The following C15orf39 variants were observed in gnomAD, a reference collection of about 807,000 sequenced individuals.
C15orf39 encodes the protein uncharacterized protein C15orf39.
C15orf39 carries 24 observed loss-of-function variants against 53.9 expected under a neutral mutation model. The ratio of observed to expected loss-of-function variants is 0.45; its 90% confidence interval spans 0.32 to 0.63. The LOEUF (loss-of-function observed/expected upper bound fraction) is 0.63, where lower values mean the gene tolerates loss of function less well. Among genes scored for constraint, C15orf39 ranks in the 20% least tolerant of loss-of-function variants. C15orf39 has a pLI of 0.04. For missense variants in C15orf39, 1,271 were observed against 1,347.9 expected (o/e 0.94, Z 0.89); for synonymous variants, 569 against 576.5 (o/e 0.99, Z 0.19).
rs775826045 is a variant in C15orf39, at chr15:75,208,101, A to C, written c.2053A>C (p.Thr685Pro). 6.2e-7 allele frequency: 1 copy of C among 1,613,688 alleles called. No individual in the cohort carries two copies. The highest frequency in any genetic ancestry group is 8.5e-7 in the Non-Finnish European group (1 of 1,179,952). ...TCCCACACAGCCTGCACCCACCCCC[A>C]CATCTGGGCCCATTGGACTGCGGAT... ...PAPTQPAPTP[T>P]SGPIGLRILA... Residue 685 changes from threonine (T) to proline (P), a missense_variant, in exon 2 of 3, where the codon ACA becomes CCA. Around this residue, in one of 2 missense-constraint regions of C15orf39, gnomAD observed 994 missense variants for 993.7 expected, o/e 1.00. Coordinates refer to ENST00000394987, the MANE Select transcript of C15orf39 (RefSeq NM_015492.5).
chr15:75,209,830 A>G (rs2141602778), intron 2 of C15orf39, among the ~76,000 whole-genome samples: 1 of 152,008 alleles, frequency 6.6e-6, no homozygotes, highest in African/African-American at 2.4e-5. Context: ...CCTGGTTGGG[A>G]TGGGGAAGGG....
At position 75,207,058 on chromosome 15, in the gene C15orf39, C is replaced by G. The variant is rs529239972; in HGVS notation, c.1010C>G (p.Pro337Arg). The G allele has an allele frequency of 1.2e-6, 2 of 1,610,274 alleles. No homozygotes were observed. Among genetic ancestry groups the G allele is most frequent in the Admixed American group, 3.3e-5 (2 of 59,848 alleles). The change falls in exon 2 of 3, where the codon CCA becomes CGA. Residue 337 changes from proline to arginine, a missense_variant. Coordinates refer to ENST00000394987, the MANE Select transcript of C15orf39 (RefSeq NM_015492.5). ...QQAAQAPYIP[P>R]LGLDAYPYPS... ...GCAGCCCAGGCACCTTACATTCCCC[C>G]ACTGGGGCTGGACGCTTACCCCTAC...
At chr15:75,205,950 C>A (rs958806766) in intron 1 of C15orf39, 49 bp from the exon 2 acceptor site, 1 of 1,269,204 alleles carries the variant, frequency 7.9e-7, no homozygotes, top group South Asian at 1.5e-5. Context: ...TGTTGCTTTG[C>A]CTGTAGCCTG....
In C15orf39 at chr15:75,208,090, C is replaced by CA; in HGVS notation, c.2043dup (p.Pro682ThrfsTer95). ...TCAGCTCCTGCTCCCACACAGCCTG[C>CA]ACCCACCCCCACATCTGGGCCCATT... On this transcript the variant is annotated frameshift_variant, in exon 2 of 3. Transcript: ENST00000394987. LOFTEE classifies it high-confidence loss of function. The CA allele has an allele frequency of 6.2e-7, 1 of 1,614,126 alleles. No homozygotes were observed. Among genetic ancestry groups the CA allele is most frequent in the Non-Finnish European group, 8.5e-7 (1 of 1,180,034 alleles).
At position 75,210,775 on chromosome 15, in the gene C15orf39, G is replaced by A. The variant is rs764726456; in HGVS notation, c.2803G>A (p.Val935Met). The change falls in exon 3 of 3, where the codon GTG becomes ATG. Residue 935 changes from valine to methionine, a missense_variant. Val to Met is a conservative substitution (Grantham distance 21). Coordinates refer to ENST00000394987, the MANE Select transcript of C15orf39 (RefSeq NM_015492.5). ...TGACTTTGACACTGAGGCTGGAGCT[G>A]TGTCCTCCTCAGAGCCCACTGTGGC... ...LGDFDTEAGA[V>M]SSSEPTVARG... 8.7e-6 allele frequency: 14 copies of A among 1,610,430 alleles called. No individual in the cohort carries two copies. The East Asian group carries it at 1.8e-4, about 21-fold the overall frequency.
rs756323387 is a variant in C15orf39 at position 75,207,712 on chromosome 15, A to G, written c.1664A>G (p.Gln555Arg). The G allele has an allele frequency of 1.3e-5, 21 of 1,602,540 alleles. No homozygotes were observed. In the African/African-American group the frequency reaches 2.8e-4, roughly 21 times the overall value. Reference protein sequence around the residue: ...DKGCRGTLPAQEGPSGSKPLR... With the variant: ...DKGCRGTLPAREGPSGSKPLR... ...GGCTGCAGGGGGACCCTGCCTGCCCAGGAGGGCCCCTCAGGGAGTAAACCC... is the reference window on the plus strand; with the variant it reads ...GGCTGCAGGGGGACCCTGCCTGCCCGGGAGGGCCCCTCAGGGAGTAAACCC... The change falls in exon 2 of 3, where the codon CAG (glutamine) becomes CGG (arginine). Residue 555 changes from glutamine to arginine, a missense_variant. By Grantham distance (43) the Gln-to-Arg change is conservative. Transcript: ENST00000394987.
At position 75,207,486 on chromosome 15, in the gene C15orf39, G is replaced by T; in HGVS notation, c.1438G>T (p.Ala480Ser). ...TACCCCCCCAGCACTGCCCCCCTGT[G>T]CCCGGGAGTGCCAGTCTCTTCCACA... ...PCTPPALPPCARECQSLPQKE... is the reference protein window; with the variant it reads ...PCTPPALPPCSRECQSLPQKE... Residue 480 changes from alanine to serine, a missense_variant, in exon 2 of 3, where the codon GCC becomes TCC. Ala to Ser is a moderately conservative substitution (Grantham distance 99). Around this residue, in one of 2 missense-constraint regions of C15orf39, gnomAD observed 994 missense variants for 993.7 expected, o/e 1.00. Transcript: ENST00000394987. 2 of 1,613,418 alleles carry T rather than the reference G, an allele frequency of 1.2e-6. No homozygotes were observed. Among genetic ancestry groups the T allele is most frequent in the Non-Finnish European group, 8.5e-7 (1 of 1,179,950 alleles).
chr15:75,206,933 G>A lies in C15orf39; in HGVS notation c.885G>A (p.Gln295=), dbSNP rs1196729057. 2.7e-6 allele frequency: 4 copies of A among 1,497,826 alleles called. No homozygotes were observed. Among genetic ancestry groups the A allele is most frequent in the Admixed American group, 2.1e-5 (1 of 48,710 alleles). The allele number at this position is 1,497,826 out of a possible 1,614,324, so 92.8% of individuals were successfully genotyped here. A position where few individuals can be genotyped will look rare whatever the true frequency, so the allele number is the denominator to read the frequency against. The change falls in exon 2 of 3, where the codon CAG becomes CAA. Residue 295 remains glutamine, a synonymous_variant. Transcript: ENST00000394987. The stretch of plus-strand genomic sequence containing the variant: ...CAGCCTGTCGCCACCCAGAGAAGCA[G>A]GGCAGCTACAGCCCAGCACTCCCAC... The part of the protein sequence containing the change: ...CPPACRHPEK[Q]GSYSPALPLQ...
At chr15:75,199,126 G>A (rs2070387298), upstream of C15orf39, 1 of 152,230 alleles carries the variant, frequency 6.6e-6, no homozygotes, top group Non-Finnish European at 1.5e-5. Context: ...AACGATGAGT[G>A]AGCTGACAGC....
In C15orf39 at chr15:75,207,235, G is replaced by T; in HGVS notation, c.1187G>T (p.Gly396Val). The change falls in exon 2 of 3, where the codon GGG becomes GTG. Residue 396 changes from glycine to valine, a missense_variant. Gly to Val is a moderately radical substitution (Grantham distance 109, BLOSUM62 -3). Coordinates refer to ENST00000394987, the MANE Select transcript of C15orf39 (RefSeq NM_015492.5). ...SLYGASPGLG[G>V]TPPSQNNVRA... ...TATGGAGCATCCCCTGGGCTTGGAG[G>T]GACACCACCTTCCCAGAACAATGTG... 6.2e-7 allele frequency: 1 copy of T among 1,613,674 alleles called. No individual in the cohort carries two copies. The highest frequency in any genetic ancestry group is 1.3e-5 in the African/African-American group (1 of 74,984).
chr15:75,204,517 G>GT (rs1264170355), intron 1 of C15orf39, among the ~76,000 whole-genome samples: 3 of 150,930 alleles, frequency 2.0e-5, no homozygotes, highest in Admixed American at 6.6e-5. Context: ...TGTTTTTTGT[G>GT]TTTTTTTGAG....
Position 75,201,935 on chromosome 15 carries a change from G to A in C15orf39, c.-175G>A, listed in dbSNP as rs1194610317. On this transcript the variant is annotated 5_prime_UTR_variant, in exon 1 of 3. Coordinates refer to ENST00000394987, the MANE Select transcript of C15orf39 (RefSeq NM_015492.5). This position sits in a 1 kb window ranked among gnomAD's most constrained non-coding sequence, Gnocchi z 4.7. ...CAGCTAGGAGGGTTGCTCCGGGCTT[G>A]GTGCTCACTGCGACTTCCCGCGCAG... 2.0e-5 allele frequency: 3 copies of A among 152,010 alleles called. No homozygotes were observed. The highest frequency in any genetic ancestry group is 4.4e-5 in the Non-Finnish European group (3 of 67,980). The allele number at this position is 152,010 out of a possible 1,614,324, so 9.4% of individuals were successfully genotyped here. A position where few individuals can be genotyped will look rare whatever the true frequency, so the allele number is the denominator to read the frequency against.
At chr15:75,210,640 C>T in intron 2 of C15orf39, 109 bp from the exon 3 acceptor site, 1 of 1,454,278 alleles carries the variant, frequency 6.9e-7, no homozygotes, top group Non-Finnish European at 9.1e-7. Flanking sequence ...AGTTGTGATG[C>T]CAGCCTGACT....
At chr15:75,204,035 C>T (rs759006499) in intron 1 of C15orf39, among the ~76,000 whole-genome samples, 2 of 152,154 alleles carry the variant, frequency 1.3e-5, no homozygotes, top group African/African-American at 2.4e-5. Flanking sequence ...TGGGCATTGG[C>T]CCCCACACTA....
At chr15:75,200,082 G>A (rs1390243041), upstream of C15orf39, among the ~76,000 whole-genome samples, 1 of 152,166 alleles carries the variant, frequency 6.6e-6, no homozygotes, top group Non-Finnish European at 1.5e-5. Flanking sequence ...GATGTTGGCC[G>A]ACACCACAGT....
Position 75,207,739 on chromosome 15 carries a change from T to C in C15orf39, c.1691T>C (p.Leu564Pro). The C allele has an allele frequency of 6.2e-7, 1 of 1,607,252 alleles. No individual in the cohort carries two copies. The highest frequency in any genetic ancestry group is 1.1e-5 in the South Asian group (1 of 90,358). ...AQEGPSGSKP[L>P]RGSLKEEVAL... ...GAGGGCCCCTCAGGGAGTAAACCCC[T>C]AAGGGGCTCACTTAAGGAGGAGGTA... The change falls in exon 2 of 3, where the codon CTA becomes CCA. Residue 564 changes from leucine to proline, a missense_variant. Leu to Pro is a moderately conservative substitution (Grantham distance 98). Around this residue, in one of 2 missense-constraint regions of C15orf39, gnomAD observed 994 missense variants for 993.7 expected, o/e 1.00. Coordinates refer to ENST00000394987, the MANE Select transcript of C15orf39 (RefSeq NM_015492.5).
chr15:75,208,795 A>G lies in C15orf39; in HGVS notation c.2747A>G (p.Gln916Arg). The change falls in exon 2 of 3, where the codon CAG becomes CGG. Residue 916 changes from glutamine (Q) to arginine (R), a missense_variant. By Grantham distance (43) the Gln-to-Arg change is conservative. This residue lies in a region of C15orf39 where 277 missense variants were observed against 354.1 expected (regional missense o/e 0.78). Coordinates refer to ENST00000394987, the MANE Select transcript of C15orf39 (RefSeq NM_015492.5). ...ATTTACCCCGACCTTCTCGGCCTGC[A>G]GTGGCGCGACTGTGTACGCCGCCAG... The part of the protein sequence containing the change: ...PDIYPDLLGL[Q>R]WRDCVRRQLG... 2 of 1,606,184 alleles carry G rather than the reference A, an allele frequency of 1.2e-6. No homozygotes were observed. Among genetic ancestry groups the G allele is most frequent in the Non-Finnish European group, 1.7e-6 (2 of 1,178,900 alleles).
In C15orf39 at chr15:75,208,283, AGC is replaced by A; in HGVS notation, c.2236_2237del (p.Ala746SerfsTer30). The A allele has an allele frequency of 1.3e-6, 2 of 1,584,032 alleles. No individual in the cohort carries two copies. ...CAGCCCGGGATCCAGCTCCAGCTCC[AGC>A]TCCAGTTGCAGGCCCTGCTCCAGCA... ...ASARDPAPAP[A>X]PVAGPAPAST... On this transcript the variant is annotated frameshift_variant, in exon 2 of 3. Coordinates refer to ENST00000394987, the MANE Select transcript of C15orf39 (RefSeq NM_015492.5). LOFTEE classifies it high-confidence loss of function.
Position 75,206,781 on chromosome 15 carries a change from G to A in C15orf39, c.733G>A (p.Gly245Arg). 1.2e-6 allele frequency: 2 copies of A among 1,611,298 alleles called. No individual in the cohort carries two copies. The highest frequency in any genetic ancestry group is 1.7e-6 in the Non-Finnish European group (2 of 1,178,766). ...PRNSKQAMSE[G>R]PSSPWTQLAQ... Reference sequence around the variant, plus strand: ...GAACTCCAAGCAAGCAATGTCTGAGGGGCCCTCAAGTCCTTGGACCCAGCT... The same window carrying A: ...GAACTCCAAGCAAGCAATGTCTGAGAGGCCCTCAAGTCCTTGGACCCAGCT... Residue 245 changes from glycine (G) to arginine (R), a missense_variant, in exon 2 of 3, where the codon GGG becomes AGG. Transcript: ENST00000394987.
Sources: gnomAD v4.1 joint callset for allele counts (sites outside exome capture counted in the v4.1 genomes callset) on GRCh38, gnomAD v4.1.1 for gene constraint, gnomAD v4.1.1 regional missense constraint, Gnocchi (gnomAD v3.1) non-coding constraint, MANE v1.5 for transcripts, NCBI Gene and HGNC (gene_info 2026-07-23, HGNC 2026-07-21) for gene names.